Variants in TTC23L observed in about 807,000 individuals in gnomAD.
TTC23L encodes tetratricopeptide repeat domain 23 like.
A neutral mutation model predicts 48.1 loss-of-function variants in TTC23L; 42 were observed. The ratio of observed to expected loss-of-function variants is 0.87; its 90% confidence interval spans 0.68 to 1.13. TTC23L has a LOEUF of 1.13. Among genes scored for constraint, TTC23L ranks in the 50% most tolerant of loss-of-function variants. The probability of loss-of-function intolerance (pLI) is 0.00; values close to 1 mark genes in which losing one functional copy is unlikely to be tolerated. For synonymous variants in TTC23L, 159 were observed against 157.2 expected (o/e 1.01, Z -0.09); for missense variants, 391 against 421.0 (o/e 0.93, Z 0.62).
chr5:34,840,427 G>A (rs1297374604), intron 1 of TTC23L, among the ~76,000 whole-genome samples: 1 of 152,174 alleles, frequency 6.6e-6, no homozygotes, highest in Non-Finnish European at 1.5e-5. Context: ...AAAGGCCAGG[G>A]ATTTTGGAGA....
At chr5:34,866,441 G>T (rs1761053655) in intron 6 of TTC23L, among the ~76,000 whole-genome samples, 1 of 152,052 alleles carries the variant, frequency 6.6e-6, no homozygotes, top group South Asian at 2.1e-4. Context: ...TCTCTTGGGG[G>T]AATATTTACA....
intron 9 of TTC23L, among the ~76,000 whole-genome samples, chr5:34,893,086 C>A (rs1005120109): frequency 2.6e-5 from 4 of 151,944 alleles, no homozygotes; most frequent in African/African-American, 9.7e-5. Flanking sequence ...ATGTTTAGAC[C>A]CTTAATTATC....
At chr5:34,893,842 C>T (rs752713715) in intron 9 of TTC23L, among the ~76,000 whole-genome samples, 7 of 152,072 alleles carry the variant, frequency 4.6e-5, no homozygotes, top group Non-Finnish European at 7.4e-5. Flanking sequence ...AAAGAGAGGC[C>T]AGTGTCATTG....
intron 3 of TTC23L, among the ~76,000 whole-genome samples, chr5:34,849,117 T>A (rs1759458279): frequency 6.6e-6 from 1 of 151,786 alleles, no homozygotes; most frequent in African/African-American, 2.4e-5. Flanking sequence ...AACCAAAGAG[T>A]GGAGGAGGAG....
chr5:34,916,092 G>C, the TTC23L span: 22 of 574,350 alleles, frequency 3.8e-5, no homozygotes, highest in Non-Finnish European at 5.3e-5. Flanking sequence ...CGTCTTCCTG[G>C]AGGCGGCGGG....
the TTC23L span, chr5:34,921,137 A>G: frequency 1.8e-4 from 27 of 152,192 alleles, no homozygotes; most frequent in African/African-American, 6.5e-4. Flanking sequence ...CACCTCATCC[A>G]GCCATAAGTT....
At chr5:34,917,353 G>T in the TTC23L span, among the ~76,000 whole-genome samples, 1 of 152,134 alleles carries the variant, frequency 6.6e-6, no homozygotes, top group African/African-American at 2.4e-5. Context: ...TTTAAAAATG[G>T]TCCAGCGTGG....
At chr5:34,867,473 T>C (rs1441763344) in intron 7 of TTC23L, 2 of 204,274 alleles carry the variant, frequency 9.8e-6, no homozygotes, top group Non-Finnish European at 2.0e-5. Context: ...TCATTTGTAC[T>C]TTAAACTAGT....
intron 2 of TTC23L, among the ~76,000 whole-genome samples, chr5:34,841,407 A>T (rs180955036): frequency 6.6e-6 from 1 of 152,324 alleles, no homozygotes; most frequent in African/African-American, 2.4e-5. Flanking sequence ...TGTTATTGGT[A>T]CATTTTATAG....
chr5:34,850,077 A>C, intron 3 of TTC23L, 108 bp from the exon 4 acceptor site: 1 of 1,280,952 alleles, frequency 7.8e-7, no homozygotes, highest in Non-Finnish European at 1.1e-6. Context: ...AGGAAAGAGA[A>C]GAGAAAAAAG....
the TTC23L span, among the ~76,000 whole-genome samples, chr5:34,904,915 GAAT>G: frequency 1.3e-5 from 2 of 152,178 alleles, no homozygotes; most frequent in Non-Finnish European, 2.9e-5. Context: ...CACATATCCT[GAAT>G]ACCTCTAGTT....
chr5:34,921,458 AAG>A, the TTC23L span: 1 of 152,246 alleles, frequency 6.6e-6, no homozygotes, highest in African/African-American at 2.4e-5. Context: ...AATCATTAAA[AAG>A]GATGTTTTTA....
At chr5:34,874,901 T>C (rs987932816) in intron 8 of TTC23L, among the ~76,000 whole-genome samples, 1 of 152,100 alleles carries the variant, frequency 6.6e-6, no homozygotes, top group African/African-American at 2.4e-5. Context: ...AATAAGCCAA[T>C]GTAAAGAAAG....
chr5:34,842,161 A>G (rs1485520107), intron 2 of TTC23L, among the ~76,000 whole-genome samples: 1 of 152,248 alleles, frequency 6.6e-6, no homozygotes, highest in Non-Finnish European at 1.5e-5. Flanking sequence ...ACATGAATTT[A>G]ATTTCAATAC....
chr5:34,905,415 T>C, the TTC23L span: 1 of 152,172 alleles, frequency 6.6e-6, no homozygotes, highest in South Asian at 2.1e-4. Flanking sequence ...TTAATTAATT[T>C]TTACTAGGAC....
At chr5:34,911,481 A>G in the TTC23L span, 5 of 1,526,300 alleles carry the variant, frequency 3.3e-6, no homozygotes, top group African/African-American at 1.4e-5. Context: ...AAAATTTTGC[A>G]TCCTAAGCAA....
chr5:34,876,735 A>G (rs983219786), intron 8 of TTC23L, among the ~76,000 whole-genome samples: 1 of 152,114 alleles, frequency 6.6e-6, no homozygotes, highest in Non-Finnish European at 1.5e-5. Context: ...TGAAGCCAAC[A>G]TTACCCTAAT....
chr5:34,922,634 A>T, the TTC23L span: 5 of 1,588,956 alleles, frequency 3.1e-6, no homozygotes, highest in Admixed American at 5.0e-5. Context: ...ATTAAAAGTA[A>T]TCTTTTGAAA....
chr5:34,925,488 CAAA>C, the TTC23L span: 189 of 1,607,574 alleles, frequency 1.2e-4, 1 homozygote, highest in Non-Finnish European at 2.0e-5. Flanking sequence ...AGTGGGAAAA[CAAA>C]ATAAGTCAAT....
Sources: gnomAD v4.1 joint callset for allele counts (sites outside exome capture counted in the v4.1 genomes callset) on GRCh38, gnomAD v4.1.1 for gene constraint, MANE v1.5 for transcripts, NCBI Gene and HGNC (gene_info 2026-07-23, HGNC 2026-07-21) for gene names.